INSRR: variants seen among roughly 807,000 people sequenced by gnomAD.
The protein encoded by INSRR is insulin receptor related receptor, also known as insulin receptor-related protein.
Under a neutral mutation model 130.0 loss-of-function variants are expected in INSRR, and 114 were observed. The observed-to-expected ratio is 0.88, with a 90% CI of 0.75 to 1.02. INSRR has a LOEUF of 1.02. Among genes scored for constraint, INSRR ranks in the 50% least tolerant of loss-of-function variants. The pLI, the probability that INSRR is intolerant of heterozygous loss-of-function variation, is 0.00. For missense variants in INSRR, 1,657 were observed against 1,735.2 expected, an observed-to-expected ratio of 0.95 and a Z score of 0.80; for synonymous variants, 674 against 705.2, an observed-to-expected ratio of 0.96 and a Z score of 0.70.
At position 156,848,920 on chromosome 1, in the gene INSRR, C is replaced by T; in HGVS notation, c.1571+1G>A. The T allele has an allele frequency of 6.4e-7, 1 of 1,567,808 alleles. No individual in the cohort carries two copies. The highest frequency in any genetic ancestry group is 8.6e-7 in the Non-Finnish European group (1 of 1,156,454). On this transcript the variant is annotated splice_donor_variant, in intron 7 of 21. Transcript: ENST00000368195. LOFTEE classifies it high-confidence loss of function. Reference sequence around the variant, plus strand: ...GCTCCGGCCCCGCCCCCGGCACTCACGACTCCTTGTAGTACACGATGAAGC... The same window carrying T: ...GCTCCGGCCCCGCCCCCGGCACTCATGACTCCTTGTAGTACACGATGAAGC...
At chr1:156,847,252 G>A (rs1258092924) in intron 7 of INSRR, among the ~76,000 whole-genome samples, 1 of 152,218 alleles carries the variant, frequency 6.6e-6, no homozygotes, top group Non-Finnish European at 1.5e-5. Flanking sequence ...TCTAGAGAGA[G>A]TGTTCCTAGC....
intron 12 of INSRR, 37 bp downstream of exon 12, chr1:156,845,039 G>A (rs1326439274): frequency 6.3e-7 from 1 of 1,575,586 alleles, no homozygotes; most frequent in Non-Finnish European, 8.6e-7. Flanking sequence ...CTTGGGGTCG[G>A]TGATGGGGGT....
intron 5 of INSRR, among the ~76,000 whole-genome samples, chr1:156,850,295 CCT>C (rs949463026): frequency 7.9e-5 from 12 of 151,920 alleles, no homozygotes; most frequent in African/African-American, 2.9e-4. Flanking sequence ...CAGTGTAACC[CCT>C]GTCTCCCAGG....
In INSRR at chr1:156,849,326, C is replaced by T. The variant is rs1218417649; in HGVS notation, c.1364G>A (p.Arg455Gln). Reference protein sequence around the residue: ...NPRLCLEHIYRLEEVTGTRGR... With the variant: ...NPRLCLEHIYQLEEVTGTRGR... ...TCGCGTGCCTGTCACCTCCTCCAGT[C>T]GGTAGATGTGTTCCAAGCAGAGGCG... is the stretch of plus-strand genomic sequence containing the variant. Residue 455 changes from arginine (R) to glutamine (Q), a missense_variant, in exon 6 of 22, where the codon CGA becomes CAA. By Grantham distance (43) the Arg-to-Gln change is conservative. Transcript: ENST00000368195. 6.2e-7 allele frequency: 1 copy of T among 1,613,876 alleles called. No homozygotes were observed. Among genetic ancestry groups the T allele is most frequent in the South Asian group, 1.1e-5 (1 of 91,058 alleles).
intron 6 of INSRR, 51 bp from the exon 7 acceptor site, chr1:156,849,098 C>T: frequency 6.2e-7 from 1 of 1,600,166 alleles, no homozygotes. Context: ...GCTGCTTGAG[C>T]GCCCACCCTG....
chr1:156,851,816 C>G lies in INSRR; in HGVS notation c.942-28G>C, dbSNP rs184005539. On this transcript the variant is annotated intron_variant, in intron 3 of 21. Coordinates refer to ENST00000368195, the MANE Select transcript of INSRR (RefSeq NM_014215.3). ...AGCAGGAGCAAGCAGATGTCCTGAG[C>G]CTTGGACCAGTTTGGGCCTCCTCAG... 4 of 1,594,814 alleles carry G rather than the reference C, an allele frequency of 2.5e-6. No homozygotes were observed. In the East Asian group the frequency reaches 9.0e-5, roughly 36 times the overall value.
chr1:156,849,051 G>C lies in INSRR; in HGVS notation c.1445-4C>G. ...AAGCGCAGGGTGCGAGTCTGGCCTG[G>C]GTGGGGCGAGGGGCCTGCTCGCAAC... is the stretch of plus-strand genomic sequence containing the variant. On this transcript the variant is annotated splice_polypyrimidine_tract_variant and splice_region_variant and intron_variant, in intron 6 of 21. Transcript: ENST00000368195. The C allele has an allele frequency of 6.2e-7, 1 of 1,612,288 alleles. No individual in the cohort carries two copies. The highest frequency in any genetic ancestry group is 8.5e-7 in the Non-Finnish European group (1 of 1,179,524).
At position 156,851,797 on chromosome 1, in the gene INSRR, A is replaced by C; in HGVS notation, c.942-9T>G. On this transcript the variant is annotated splice_polypyrimidine_tract_variant and intron_variant, in intron 3 of 21. Transcript: ENST00000368195. ...ACTTGTGGCAGAATATGCTAGCAGGAGCAAGCAGATGTCCTGAGCCTTGGA... is the reference window on the plus strand; with the variant it reads ...ACTTGTGGCAGAATATGCTAGCAGGCGCAAGCAGATGTCCTGAGCCTTGGA... 1 of 1,605,328 alleles carries C rather than the reference A, an allele frequency of 6.2e-7. No homozygotes were observed. The highest frequency in any genetic ancestry group is 8.5e-7 in the Non-Finnish European group (1 of 1,173,960).
In INSRR at chr1:156,851,761, C is replaced by T. The variant is rs897603662; in HGVS notation, c.969G>A (p.Leu323=). Residue 323 remains leucine (L), a synonymous_variant, in exon 4 of 22, where the codon CTG becomes CTA. Coordinates refer to ENST00000368195, the MANE Select transcript of INSRR (RefSeq NM_014215.3). ...TGCCTACCTTGCACTCTTTAGGGCA[C>T]AGCCCCTCGCACTTGTGGCAGAATA... The part of the protein sequence containing the change: ...SSIFCHKCEG[L]CPKECKVGTK... 1.2e-6 allele frequency: 2 copies of T among 1,612,294 alleles called. No individual in the cohort carries two copies. The highest frequency in any genetic ancestry group is 1.3e-5 in the African/African-American group (1 of 75,034).
chr1:156,843,066 G>A lies in INSRR; in HGVS notation c.3064C>T (p.Arg1022Trp), dbSNP rs146178624. ...LKTVNELASP[R>W]ECIEFLKEAS... ...TCCTTGAGGAACTCAATGCATTCCC[G>A]TGGGCTGGCCAGCTCATTCACCGTC... Residue 1022 changes from arginine (R) to tryptophan (W), a missense_variant, in exon 17 of 22, where the codon CGG becomes TGG. Coordinates refer to ENST00000368195, the MANE Select transcript of INSRR (RefSeq NM_014215.3). 7.2e-5 allele frequency: 116 copies of A among 1,613,964 alleles called. No homozygotes were observed. Among genetic ancestry groups the A allele is most frequent in the African/African-American group, 1.3e-4 (10 of 74,862 alleles).
At position 156,846,693 on chromosome 1, in the gene INSRR, G is replaced by T; in HGVS notation, c.1636C>A (p.Leu546Met). Residue 546 changes from leucine to methionine, a missense_variant, in exon 8 of 22, where the codon CTG becomes ATG. Transcript: ENST00000368195. ...CGGCTTAGGGGCAGCTCCACATCCA[G>T]CAGGTTCCAGCTCTGGGTTCCACAA... Reference protein sequence around the residue: ...DACGTQSWNLLDVELPLSRTQ... With the variant: ...DACGTQSWNLMDVELPLSRTQ... 6.2e-7 allele frequency: 1 copy of T among 1,614,166 alleles called. No individual in the cohort carries two copies. Among genetic ancestry groups the T allele is most frequent in the Admixed American group, 1.7e-5 (1 of 60,026 alleles).
chr1:156,845,007 C>T, intron 12 of INSRR, 69 bp downstream of exon 12: 1 of 1,546,094 alleles, frequency 6.5e-7, no homozygotes, highest in African/African-American at 1.4e-5. Flanking sequence ...AGAAGTCAAA[C>T]CCCAAACCTT....
At chr1:156,855,993 T>G (rs1655395396) in intron 1 of INSRR, among the ~76,000 whole-genome samples, 1 of 151,700 alleles carries the variant, frequency 6.6e-6, no homozygotes, top group African/African-American at 2.4e-5. Flanking sequence ...CAGGCTAGAG[T>G]GTAGTGGGAG....
At chr1:156,851,243 G>C in intron 5 of INSRR, 47 bp downstream of exon 5, 1 of 1,609,686 alleles carries the variant, frequency 6.2e-7, no homozygotes, top group Non-Finnish European at 8.5e-7. Context: ...GGGAGTGTTG[G>C]AGGAAGGAGT....
rs147963932 is a variant in INSRR at position 156,850,059 on chromosome 1, C to T, written c.1230-599G>A. On this transcript the variant is annotated intron_variant, in intron 5 of 21. Coordinates refer to ENST00000368195, the MANE Select transcript of INSRR (RefSeq NM_014215.3). Reference sequence around the variant, plus strand: ...CTGAGACTACAGGCATGCACCACCACGGTCAGCTAATTTTGTATTTTTTAT... The same window carrying T: ...CTGAGACTACAGGCATGCACCACCATGGTCAGCTAATTTTGTATTTTTTAT... Among the ~76,000 whole-genome samples the T allele has an allele frequency of 5.5e-3, 842 of 152,194 alleles. 10 individuals carry two copies. Among genetic ancestry groups the T allele is most frequent in the African/African-American group, 0.019 (781 of 41,510 alleles).
chr1:156,847,585 G>A lies in INSRR; in HGVS notation c.1572-828C>T, dbSNP rs560435029. On this transcript the variant is annotated intron_variant, in intron 7 of 21. Coordinates refer to ENST00000368195, the MANE Select transcript of INSRR (RefSeq NM_014215.3). ...GACAAAACTTGAGGGAGGTCAAATTGGGTGGCAGTGGGGGAACTTGTGGCC... is the reference window on the plus strand; with the variant it reads ...GACAAAACTTGAGGGAGGTCAAATTAGGTGGCAGTGGGGGAACTTGTGGCC... Among the ~76,000 whole-genome samples, 8 of 152,284 alleles carry A rather than the reference G, an allele frequency of 5.3e-5. 1 individual carries two copies. The South Asian group carries it at 1.7e-3, about 32-fold the overall frequency.
In INSRR at chr1:156,849,432, G is replaced by C. The variant is rs1213469576; in HGVS notation, c.1258C>G (p.Gln420Glu). The C allele has an allele frequency of 4.3e-6, 7 of 1,613,438 alleles. No homozygotes were observed. The African/African-American group carries it at 5.4e-5, about 12-fold the overall frequency. ...GNYTLYVLDN[Q>E]NLQQLGSWVA... Reference sequence around the variant, plus strand: ...CAGGACCCTAGCTGTTGTAGGTTCTGGTTGTCCAGCACGTAGAGAGTGTAG... The same window carrying C: ...CAGGACCCTAGCTGTTGTAGGTTCTCGTTGTCCAGCACGTAGAGAGTGTAG... The change falls in exon 6 of 22, where the codon CAG (glutamine) becomes GAG (glutamate). Residue 420 changes from glutamine to glutamate, a missense_variant. Transcript: ENST00000368195.
chr1:156,857,334 C>T (rs762854171), intron 1 of INSRR, among the ~76,000 whole-genome samples: 17 of 152,120 alleles, frequency 1.1e-4, no homozygotes, highest in Admixed American at 3.9e-4. Flanking sequence ...TTCTCTCAGG[C>T]GCCCACTTCC....
In INSRR at chr1:156,840,720, C is replaced by G; in HGVS notation, c.*153G>C. ...CCTATGGTGAGACCCCTCTGCCCAC[C>G]CCCACAGCCTTCCCTGCTCCTGTTC... On this transcript the variant is annotated 3_prime_UTR_variant, in exon 22 of 22. Transcript: ENST00000368195. 1.5e-6 allele frequency: 1 copy of G among 655,490 alleles called. No homozygotes were observed. 40.6% of individuals were successfully genotyped at this position (655,490 alleles called of 1,614,324 possible).
Sources: allele counts gnomAD v4.1 joint callset (sites outside exome capture counted in the v4.1 genomes callset), GRCh38; gene constraint gnomAD v4.1.1; transcripts MANE v1.5; gene names NCBI Gene and HGNC (gene_info 2026-07-23, HGNC 2026-07-21).